The following NSUN2 variants were observed in gnomAD, a reference collection of about 807,000 sequenced individuals.
The protein encoded by NSUN2 is NOP2/Sun RNA methyltransferase 2, also known as RNA cytosine C(5)-methyltransferase NSUN2.
Under a neutral mutation model 92.7 loss-of-function variants are expected in NSUN2, and 63 were observed. That is an observed-to-expected ratio of 0.68 (90% CI 0.56 to 0.84). The LOEUF is 0.84. NSUN2 is among the 40% of genes least tolerant of loss of function. NSUN2 has a pLI of 0.00. For missense variants in NSUN2, 989 were observed against 964.9 expected, an observed-to-expected ratio of 1.02 and a Z score of -0.33; for synonymous variants, 356 against 348.3, an observed-to-expected ratio of 1.02 and a Z score of -0.25.
Position 6,607,229 on chromosome 5 carries a change from A to T in NSUN2, c.1479T>A (p.Asn493Lys). Residue 493 changes from asparagine (N) to lysine (K), a missense_variant, in exon 13 of 19, where the codon AAT (asparagine) becomes AAA (lysine). Coordinates refer to ENST00000264670, the MANE Select transcript of NSUN2 (RefSeq NM_017755.6). ...ACACGCCATCTTTCTTACTGCCATT[A>T]TTCTCTAAATCCTCAGTTGCATGAG... ...EIAHATEDLE[N>K]NGSKKDGVCG... The T allele has an allele frequency of 6.2e-7, 1 of 1,614,188 alleles. No individual in the cohort carries two copies. Among genetic ancestry groups the T allele is most frequent in the South Asian group, 1.1e-5 (1 of 91,080 alleles).
intron 9 of NSUN2, among the ~76,000 whole-genome samples, chr5:6,613,891 G>A (rs542346022): frequency 4.6e-4 from 70 of 152,218 alleles, no homozygotes; most frequent in African/African-American, 1.6e-3. Flanking sequence ...GAAGTCAGGA[G>A]TTTGAGACCA....
At chr5:6,620,496 C>T (rs760491014) in intron 6 of NSUN2, 198 bp from the exon 7 acceptor site, 14 of 409,524 alleles carry the variant, frequency 3.4e-5, no homozygotes, top group Non-Finnish European at 5.2e-5. Flanking sequence ...TATGGACACT[C>T]GAATTTTGAA....
intron 17 of NSUN2, 61 bp from the exon 18 acceptor site, chr5:6,602,561 C>G: frequency 1.5e-6 from 2 of 1,344,460 alleles, no homozygotes; most frequent in Non-Finnish European, 2.1e-6. Flanking sequence ...ATGCGCTGAG[C>G]ACATTTCTGC....
At chr5:6,614,848 C>T (rs972554329) in intron 9 of NSUN2, among the ~76,000 whole-genome samples, 1 of 152,100 alleles carries the variant, frequency 6.6e-6, no homozygotes, top group Non-Finnish European at 1.5e-5. Flanking sequence ...CAAGTCCTGC[C>T]TGCAAAGAGT....
At chr5:6,605,857 A>AT (rs35238691) in intron 14 of NSUN2, among the ~76,000 whole-genome samples, 1 of 151,156 alleles carries the variant, frequency 6.6e-6, no homozygotes, top group South Asian at 2.1e-4. Context: ...ACCACACCTA[A>AT]TTTTTTTTTG....
intron 12 of NSUN2, 136 bp downstream of exon 12, chr5:6,609,688 CCT>C: frequency 3.1e-6 from 2 of 636,434 alleles, no homozygotes; most frequent in Non-Finnish European, 5.5e-6. Context: ...TGAAATTCCC[CCT>C]CATTCAGGGT....
At chr5:6,619,220 CT>C (rs987492422) in intron 7 of NSUN2, among the ~76,000 whole-genome samples, 13 of 152,104 alleles carry the variant, frequency 8.5e-5, no homozygotes, top group Non-Finnish European at 1.8e-4. Context: ...TTAAAGAGGG[CT>C]TTTTCCAGAT....
chr5:6,611,202 A>G (rs1036241223), intron 10 of NSUN2, 117 bp from the exon 11 acceptor site: 18 of 1,093,806 alleles, frequency 1.6e-5, no homozygotes, highest in Non-Finnish European at 1.8e-5. Flanking sequence ...ATTCACTCCA[A>G]AGATAGGAAG....
chr5:6,613,094 ACAT>A (rs1560977052), intron 9 of NSUN2, among the ~76,000 whole-genome samples: 1 of 152,254 alleles, frequency 6.6e-6, no homozygotes. Context: ...GTTGGCTGTG[ACAT>A]CATACTGTAC....
chr5:6,604,469 G>T (rs371377857), intron 16 of NSUN2, 136 bp downstream of exon 16: 2 of 954,546 alleles, frequency 2.1e-6, no homozygotes, highest in East Asian at 2.4e-5. Flanking sequence ...TCTATAACCT[G>T]TGAGGGTCAA....
Position 6,604,483 on chromosome 5 carries a change from G to C in NSUN2, c.1818+122C>G, listed in dbSNP as rs554895700. 17 of 991,460 alleles carry C rather than the reference G, an allele frequency of 1.7e-5. No homozygotes were observed. In the South Asian group the frequency reaches 2.3e-4, roughly 14 times the overall value. The allele number at this position is 991,460 out of a possible 1,614,324, so 61.4% of individuals were successfully genotyped here. A position where few individuals can be genotyped will look rare whatever the true frequency, so the allele number is the denominator to read the frequency against. On this transcript the variant is annotated intron_variant, in intron 16 of 18. Coordinates refer to ENST00000264670, the MANE Select transcript of NSUN2 (RefSeq NM_017755.6). ...CTCTATAACCTGTGAGGGTCAAGTG[G>C]CTGGTAGGTGCCAGCCAAGCCCTGA...
Position 6,606,850 on chromosome 5 carries a change from G to C in NSUN2, c.1571C>G (p.Pro524Arg), listed in dbSNP as rs141117585. 1.3e-6 allele frequency: 2 copies of C among 1,594,430 alleles called. No homozygotes were observed. The highest frequency in any genetic ancestry group is 2.7e-5 in the African/African-American group (2 of 74,554). ...AGGTGGAAATAATGGGTCATCTTCAGGAATAAATACAAATGGATCTTCTTT... is the reference window on the plus strand; with the variant it reads ...AGGTGGAAATAATGGGTCATCTTCACGAATAAATACAAATGGATCTTCTTT... Reference protein sequence around the residue: ...GFKEDPFVFIPEDDPLFPPIE... With the variant: ...GFKEDPFVFIREDDPLFPPIE... The change falls in exon 14 of 19, where the codon CCT becomes CGT. Residue 524 changes from proline to arginine, a missense_variant. Pro to Arg is a moderately radical substitution (Grantham distance 103). Coordinates refer to ENST00000264670, the MANE Select transcript of NSUN2 (RefSeq NM_017755.6).
rs1000425733 is a variant in NSUN2 at position 6,611,929 on chromosome 5, C to G, written c.1022-131G>C. 3 of 772,890 alleles carry G rather than the reference C, an allele frequency of 3.9e-6. No individual in the cohort carries two copies. In the African/African-American group the frequency reaches 5.3e-5, roughly 14 times the overall value. 47.9% of individuals were successfully genotyped at this position (772,890 alleles called of 1,614,324 possible). ...ACAGAAAATGTCCAGGGAAGGCAAACCCGTCGACAGAAAGTGGATGAGTGG... is the reference window on the plus strand; with the variant it reads ...ACAGAAAATGTCCAGGGAAGGCAAAGCCGTCGACAGAAAGTGGATGAGTGG... On this transcript the variant is annotated intron_variant, in intron 9 of 18. Transcript: ENST00000264670.
chr5:6,621,088 T>C (rs530604549), intron 6 of NSUN2: 3 of 152,348 alleles, frequency 2.0e-5, no homozygotes, highest in Admixed American at 6.5e-5. Context: ...GAAGTTTGCC[T>C]GAACAAAGAT....
At chr5:6,614,437 C>T (rs1397584135) in intron 9 of NSUN2, among the ~76,000 whole-genome samples, 3 of 152,184 alleles carry the variant, frequency 2.0e-5, no homozygotes, top group Admixed American at 2.0e-4. Flanking sequence ...TCCCCCGTGC[C>T]TGGGTCACGC....
intron 4 of NSUN2, among the ~76,000 whole-genome samples, chr5:6,623,561 T>C (rs1373446531): frequency 1.3e-5 from 2 of 152,198 alleles, no homozygotes; most frequent in Non-Finnish European, 2.9e-5. Flanking sequence ...CAACTCCCCA[T>C]AGCAGTAGAG....
rs750938847 is a variant in NSUN2 at position 6,600,236 on chromosome 5, C to G, written c.1998-4G>C. On this transcript the variant is annotated splice_region_variant and splice_polypyrimidine_tract_variant and intron_variant, in intron 18 of 18. Transcript: ENST00000264670. ...ACACTGCAGAGCGTCTGGATTCCTA[C>G]AAGTGAAAGTGGCTTCATGTAGAAC... 3 of 1,610,080 alleles carry G rather than the reference C, an allele frequency of 1.9e-6. No homozygotes were observed. Among genetic ancestry groups the G allele is most frequent in the Non-Finnish European group, 2.5e-6 (3 of 1,177,084 alleles).
At chr5:6,615,972 T>C (rs1737191700) in intron 9 of NSUN2, among the ~76,000 whole-genome samples, 1 of 152,196 alleles carries the variant, frequency 6.6e-6, no homozygotes, top group African/African-American at 2.4e-5. Flanking sequence ...GGATGGCTAC[T>C]AACAACAAAG....
rs200575887 is a variant in NSUN2 at position 6,616,695 on chromosome 5, C to T, written c.1021+32G>A. 59 of 1,254,334 alleles carry T rather than the reference C, an allele frequency of 4.7e-5. No homozygotes were observed. The African/African-American group carries it at 1.5e-3, about 33-fold the overall frequency. The allele number at this position is 1,254,334 out of a possible 1,614,324, so 77.7% of individuals were successfully genotyped here. A position where few individuals can be genotyped will look rare whatever the true frequency, so the allele number is the denominator to read the frequency against. ...ATACACATATGAAAAGCCCCCTATG[C>T]TGTTAATAAAAGATCCATCAAGCGT... On this transcript the variant is annotated intron_variant, in intron 9 of 18. Transcript: ENST00000264670.
Sources: gnomAD v4.1 joint callset for allele counts (sites outside exome capture counted in the v4.1 genomes callset) on GRCh38, gnomAD v4.1.1 for gene constraint, MANE v1.5 for transcripts, NCBI Gene and HGNC (gene_info 2026-07-23, HGNC 2026-07-21) for gene names.